RALYL: variants seen among roughly 807,000 people sequenced by gnomAD.
RALYL encodes RALY RNA binding protein like.
A neutral mutation model predicts 35.1 loss-of-function variants in RALYL; 29 were observed. The observed-to-expected ratio is 0.83, with a 90% CI of 0.61 to 1.13. The LOEUF is 1.13. Among genes scored for constraint, RALYL ranks in the 50% most tolerant of loss-of-function variants. RALYL has a pLI of 0.00. For missense variants in RALYL, 359 were observed against 360.4 expected (o/e 1.00, Z 0.03); for synonymous variants, 120 against 127.6 (o/e 0.94, Z 0.40).
intron 4 of RALYL, among the ~76,000 whole-genome samples, chr8:84,815,389 A>G (rs1477643390): frequency 4.1e-5 from 6 of 148,080 alleles, no homozygotes; most frequent in African/African-American, 1.5e-4. Context: ...TTAAACTATT[A>G]TAAGTATTTA....
intron 2 of RALYL, among the ~76,000 whole-genome samples, chr8:84,599,942 T>C (rs1815522467): frequency 6.6e-6 from 1 of 151,334 alleles, no homozygotes; most frequent in Non-Finnish European, 1.5e-5. Flanking sequence ...CTTCTGCCAT[T>C]ATCTGTAAAA....
At chr8:84,728,575 C>G (rs1845474893) in intron 2 of RALYL, among the ~76,000 whole-genome samples, 1 of 151,984 alleles carries the variant, frequency 6.6e-6, no homozygotes, top group Non-Finnish European at 1.5e-5. Context: ...ATGGTAATGC[C>G]TAGGTTTTCT....
chr8:84,882,566 CA>C (rs1563803580), intron 7 of RALYL, among the ~76,000 whole-genome samples: 2 of 151,978 alleles, frequency 1.3e-5, no homozygotes, highest in East Asian at 3.8e-4. Flanking sequence ...GAATTTGACA[CA>C]TTTGATATTT....
At chr8:84,872,480 C>A (rs1025290337) in intron 6 of RALYL, 2 of 152,104 alleles carry the variant, frequency 1.3e-5, no homozygotes, top group African/African-American at 4.8e-5. Flanking sequence ...TTTCCTTAAG[C>A]CTTTTTCCCT....
At chr8:84,801,309 T>G (rs1823198305) in intron 3 of RALYL, among the ~76,000 whole-genome samples, 1 of 152,154 alleles carries the variant, frequency 6.6e-6, no homozygotes, top group African/African-American at 2.4e-5. Context: ...CCAATAATCT[T>G]TTTTTCTTTC....
At chr8:84,849,254 G>A (rs1294314128) in intron 4 of RALYL, among the ~76,000 whole-genome samples, 2 of 152,070 alleles carry the variant, frequency 1.3e-5, no homozygotes, top group Admixed American at 6.6e-5. Context: ...TTGTTGGTAA[G>A]ACAGCCACAG....
chr8:84,220,271 A>G (rs773811250), intron 1 of RALYL, among the ~76,000 whole-genome samples: 13 of 152,050 alleles, frequency 8.5e-5, no homozygotes, highest in Admixed American at 1.3e-4. Flanking sequence ...CTATTTTTAT[A>G]TATTCAATAA....
At chr8:84,514,347 G>T (rs535062682) in intron 1 of RALYL, among the ~76,000 whole-genome samples, 1 of 152,192 alleles carries the variant, frequency 6.6e-6, no homozygotes, top group African/African-American at 2.4e-5. Context: ...TTTAACAATA[G>T]GTAAGTGGCC....
intron 2 of RALYL, among the ~76,000 whole-genome samples, chr8:84,543,829 T>C (rs891026303): frequency 1.5e-4 from 23 of 152,112 alleles, no homozygotes; most frequent in African/African-American, 5.6e-4. Flanking sequence ...TGGTATCATT[T>C]ATTGGGGAAT....
intron 1 of RALYL, among the ~76,000 whole-genome samples, chr8:84,310,857 C>A (rs1842645272): frequency 7.3e-6 from 1 of 137,714 alleles, no homozygotes; most frequent in Admixed American, 6.9e-5. Flanking sequence ...ACCGTCCTGG[C>A]TAACAAGGTG....
chr8:84,589,771 C>T (rs780253407), intron 2 of RALYL, among the ~76,000 whole-genome samples: 12 of 152,062 alleles, frequency 7.9e-5, no homozygotes, highest in African/African-American at 1.4e-4. Flanking sequence ...GCAATAAGAA[C>T]GCTAAAAGGG....
intron 1 of RALYL, among the ~76,000 whole-genome samples, chr8:84,490,994 T>A (rs919531750): frequency 4.6e-5 from 7 of 151,956 alleles, no homozygotes. Flanking sequence ...TGAAGACCCC[T>A]ATGAAGAAAG....
At chr8:84,213,224 G>A (rs10096464) in intron 1 of RALYL, among the ~76,000 whole-genome samples, 45,066 of 151,804 alleles carry the variant, frequency 0.3, 7,365 homozygotes, top group African/African-American at 0.43. Flanking sequence ...AACCCCATCT[G>A]TACTAAAAGT....
intron 2 of RALYL, among the ~76,000 whole-genome samples, chr8:84,719,243 T>A (rs913434299): frequency 6.6e-6 from 1 of 152,182 alleles, no homozygotes; most frequent in African/African-American, 2.4e-5. Flanking sequence ...AGCCCTCAAT[T>A]AATAGACGTT....
chr8:84,462,600 C>CTTTTTTTTTTTTTTTTT (rs754020253), intron 1 of RALYL, among the ~76,000 whole-genome samples: 1 of 103,038 alleles, frequency 9.7e-6, no homozygotes. Context: ...TATCTAGATT[C>CTTTTTTTTTTTTTTTTT]ATTTTTTTTT....
At chr8:84,839,268 C>A (rs185829043) in intron 4 of RALYL, among the ~76,000 whole-genome samples, 154 of 152,336 alleles carry the variant, frequency 1.0e-3, no homozygotes, top group African/African-American at 3.3e-3. Context: ...TCACTCCCAC[C>A]CTAATACTGC....
At chr8:84,453,010 T>C (rs888371457) in intron 1 of RALYL, among the ~76,000 whole-genome samples, 2 of 151,960 alleles carry the variant, frequency 1.3e-5, no homozygotes, top group Admixed American at 6.6e-5. Flanking sequence ...TCCTACTGCG[T>C]CTCATCAGAG....
intron 3 of RALYL, among the ~76,000 whole-genome samples, chr8:84,792,672 A>G (rs1469633853): frequency 1.3e-5 from 2 of 152,286 alleles, no homozygotes; most frequent in Admixed American, 6.5e-5. Flanking sequence ...TAAGGTTGGA[A>G]GCTGAGGTTG....
At chr8:84,365,001 A>G (rs539153269) in intron 1 of RALYL, among the ~76,000 whole-genome samples, 2 of 152,248 alleles carry the variant, frequency 1.3e-5, no homozygotes, top group African/African-American at 4.8e-5. Context: ...TTGCATAAAT[A>G]TCCTATGGGA....
Sources: gnomAD v4.1 joint callset for allele counts (sites outside exome capture counted in the v4.1 genomes callset) on GRCh38, gnomAD v4.1.1 for gene constraint, MANE v1.5 for transcripts, NCBI Gene and HGNC (gene_info 2026-07-23, HGNC 2026-07-21) for gene names.